The following NIPAL2 variants were observed in gnomAD, a reference collection of about 807,000 sequenced individuals.
The protein encoded by NIPAL2 is NIPA-like protein 2.
NIPAL2 carries 43 observed loss-of-function variants against 48.9 expected under a neutral mutation model. That is an observed-to-expected ratio of 0.88 (90% CI 0.69 to 1.13). The LOEUF is 1.13. Among genes scored for constraint, NIPAL2 ranks in the 50% most tolerant of loss-of-function variants. The pLI, the probability that NIPAL2 is intolerant of heterozygous loss-of-function variation, is 0.00. For synonymous variants in NIPAL2, 167 were observed against 174.6 expected (o/e 0.96, Z 0.34); for missense variants, 446 against 461.4 (o/e 0.97, Z 0.31).
chr8:98,291,266 G>A (rs1285035910), intron 1 of NIPAL2, among the ~76,000 whole-genome samples: 1 of 152,144 alleles, frequency 6.6e-6, no homozygotes, highest in African/African-American at 2.4e-5. Flanking sequence ...TAGTTGAATT[G>A]TACTCTAGGA....
At chr8:98,280,761 T>TATCTATATAGAGAGAGAG in intron 1 of NIPAL2, among the ~76,000 whole-genome samples, 1 of 30,032 alleles carries the variant, frequency 3.3e-5, no homozygotes. Context: ...TATATATATA[T>TATCTATATAGAGAGAGAG]AGAGAGAGAG....
At chr8:98,236,257 T>C (rs769600297) in intron 3 of NIPAL2, 43 bp from the exon 4 acceptor site, 1 of 1,363,906 alleles carries the variant, frequency 7.3e-7, no homozygotes, top group South Asian at 1.2e-5. Flanking sequence ...AATATAAAAG[T>C]GTCTATTACG....
chr8:98,260,446 C>T (rs940821958), intron 1 of NIPAL2, among the ~76,000 whole-genome samples: 33 of 152,300 alleles, frequency 2.2e-4, no homozygotes, highest in South Asian at 2.1e-4. Context: ...CGAAGCAGGG[C>T]GAGGCATTGC....
intron 1 of NIPAL2, among the ~76,000 whole-genome samples, chr8:98,280,773 G>GAGAGAC (rs1563553914): frequency 6.6e-5 from 7 of 105,706 alleles, no homozygotes; most frequent in Non-Finnish European, 1.2e-4. Flanking sequence ...GAGAGAGAGA[G>GAGAGAC]AGAGAGAGAG....
intron 10 of NIPAL2, among the ~76,000 whole-genome samples, chr8:98,194,176 A>C (rs1461743136): frequency 6.6e-6 from 1 of 152,130 alleles, no homozygotes; most frequent in Non-Finnish European, 1.5e-5. Flanking sequence ...TTTGTCCTGG[A>C]CTTGGCTTTT....
At chr8:98,255,214 T>C (rs940817867) in intron 1 of NIPAL2, among the ~76,000 whole-genome samples, 3 of 152,258 alleles carry the variant, frequency 2.0e-5, no homozygotes, top group Non-Finnish European at 2.9e-5. Context: ...CCAAGATGTT[T>C]ATCATAGATA....
intron 5 of NIPAL2, among the ~76,000 whole-genome samples, chr8:98,218,934 A>G (rs1427318507): frequency 1.3e-5 from 2 of 152,212 alleles, no homozygotes; most frequent in Non-Finnish European, 2.9e-5. Flanking sequence ...CAGCCTTATT[A>G]AGAGGCTGCT....
intron 4 of NIPAL2, among the ~76,000 whole-genome samples, chr8:98,223,720 C>T (rs1319283): frequency 0.8 from 121,579 of 152,198 alleles, 50,324 homozygotes; most frequent in Non-Finnish European, 0.9. Flanking sequence ...TTCAGGGTAT[C>T]GTAGAGCTAC....
intron 3 of NIPAL2, among the ~76,000 whole-genome samples, chr8:98,242,012 A>G (rs1005115933): frequency 6.6e-6 from 1 of 152,178 alleles, no homozygotes; most frequent in East Asian, 1.9e-4. Context: ...AAGGTAATAC[A>G]CCATTGGTAT....
chr8:98,269,000 C>A (rs547688204), intron 1 of NIPAL2, among the ~76,000 whole-genome samples: 1 of 152,318 alleles, frequency 6.6e-6, no homozygotes, highest in Non-Finnish European at 1.5e-5. Context: ...AAACCCCTTT[C>A]TTTGCTCATC....
chr8:98,265,795 G>A (rs1383990488), intron 1 of NIPAL2, among the ~76,000 whole-genome samples: 1 of 143,706 alleles, frequency 7.0e-6, no homozygotes, highest in Non-Finnish European at 1.5e-5. Flanking sequence ...TATACCCAAA[G>A]GACTATAAAT....
intron 1 of NIPAL2, among the ~76,000 whole-genome samples, chr8:98,289,754 A>G (rs1348406552): frequency 6.6e-6 from 1 of 152,214 alleles, no homozygotes; most frequent in Admixed American, 6.5e-5. Context: ...ACAAAACAAA[A>G]TAGAAAAAGG....
chr8:98,283,531 A>T (rs757770643), intron 1 of NIPAL2, among the ~76,000 whole-genome samples: 71 of 152,238 alleles, frequency 4.7e-4, no homozygotes, highest in Non-Finnish European at 1.6e-4. Flanking sequence ...ATAGGGCCTT[A>T]TAATTTTCAT....
chr8:98,199,938 C>CTTTA lies in NIPAL2; in HGVS notation c.880+3166_880+3169dup, dbSNP rs1335344787. 2.6e-5 allele frequency among the ~76,000 whole-genome samples: 4 copies of CTTTA among 151,924 alleles called. No homozygotes were observed. In the East Asian group the frequency reaches 7.7e-4, roughly 29 times the overall value. On this transcript the variant is annotated intron_variant, in intron 8 of 10. Transcript: ENST00000430223. Reference sequence around the variant, plus strand: ...GATTTTCTTGGTCCTCCAAGAAAATCTTTATTTATTTATTTTTAACTTTTA... The same window carrying CTTTA: ...GATTTTCTTGGTCCTCCAAGAAAATCTTTATTTATTTATTTATTTTTAACTTTTA...
intron 3 of NIPAL2, among the ~76,000 whole-genome samples, chr8:98,245,600 CGTTAAT>C (rs1187308394): frequency 1.3e-5 from 2 of 152,206 alleles, no homozygotes; most frequent in Non-Finnish European, 2.9e-5. Context: ...TCTTGGCATG[CGTTAAT>C]GTTAAAGTTG....
At chr8:98,289,080 C>T (rs1053996053) in intron 1 of NIPAL2, among the ~76,000 whole-genome samples, 1 of 149,700 alleles carries the variant, frequency 6.7e-6, no homozygotes, top group African/African-American at 2.5e-5. Context: ...ATTTTTTCCA[C>T]TTTTTTCCTC....
At chr8:98,272,208 A>G (rs1451124025) in intron 1 of NIPAL2, among the ~76,000 whole-genome samples, 1 of 152,104 alleles carries the variant, frequency 6.6e-6, no homozygotes, top group Non-Finnish European at 1.5e-5. Flanking sequence ...GGTCTATTTG[A>G]CTTCAGAGCT....
chr8:98,235,796 G>A (rs1405968139), intron 4 of NIPAL2, among the ~76,000 whole-genome samples: 1 of 150,954 alleles, frequency 6.6e-6, no homozygotes, highest in African/African-American at 2.4e-5. Flanking sequence ...TATTTTAATG[G>A]GTTATTATAA....
Position 98,244,643 on chromosome 8 carries a change from G to A in NIPAL2, c.376+7820C>T, listed in dbSNP as rs1042019735. On this transcript the variant is annotated intron_variant, in intron 3 of 10. Coordinates refer to ENST00000430223, the MANE Select transcript of NIPAL2 (RefSeq NM_001321635.2). ...GTGGTGATGGGGGGTGCTGGCCATGGTGGTGATGGGCTGTGGGGCCGTGGT... is the reference window on the plus strand; with the variant it reads ...GTGGTGATGGGGGGTGCTGGCCATGATGGTGATGGGCTGTGGGGCCGTGGT... Among the ~76,000 whole-genome samples the A allele has an allele frequency of 2.3e-4, 32 of 139,622 alleles. 1 individual carries two copies. The highest frequency in any genetic ancestry group is 6.7e-4 in the African/African-American group (27 of 40,070). The allele number at this position is 139,622 out of a possible 152,430, so 91.6% of individuals were successfully genotyped here.
Sources: allele counts gnomAD v4.1 joint callset (sites outside exome capture counted in the v4.1 genomes callset), GRCh38; gene constraint gnomAD v4.1.1; transcripts MANE v1.5; gene names NCBI Gene and HGNC (gene_info 2026-07-23, HGNC 2026-07-21).